The following CTCF variants were observed in gnomAD, a reference collection of about 807,000 sequenced individuals.
CTCF encodes the protein transcriptional repressor CTCF.
In CTCF, 7 loss-of-function variants were observed where a neutral mutation model predicts 72.3. The observed-to-expected ratio is 0.10, with a 90% CI of 0.06 to 0.18. The LOEUF (loss-of-function observed/expected upper bound fraction) is 0.18. Ranked by LOEUF, CTCF falls within the 10% of genes least tolerant of loss-of-function variation. The probability of loss-of-function intolerance (pLI) is 1.00; values close to 1 mark genes in which losing one functional copy is unlikely to be tolerated. For missense variants in CTCF, 516 were observed against 949.1 expected, an observed-to-expected ratio of 0.54 and a Z score of 6.00; for synonymous variants, 374 against 315.8, an observed-to-expected ratio of 1.18 and a Z score of -1.95.
rs768569242 is a variant in CTCF at position 67,637,775 on chromosome 16, C to T, written c.2087C>T (p.Pro696Leu). The T allele has an allele frequency of 6.2e-7, 1 of 1,613,420 alleles. No individual in the cohort carries two copies. The highest frequency in any genetic ancestry group is 8.5e-7 in the Non-Finnish European group (1 of 1,180,012). Reference sequence around the variant, plus strand: ...GTAAAAAAAGAGCCAGATGCTGAGCCCGCAGAGGGAGAGGAAGAGGAGGCC... The same window carrying T: ...GTAAAAAAAGAGCCAGATGCTGAGCTCGCAGAGGGAGAGGAAGAGGAGGCC... ...VEVKKEPDAE[P>L]AEGEEEEAQP... Residue 696 changes from proline (P) to leucine (L), a missense_variant, in exon 12 of 12, where the codon CCC becomes CTC. Pro to Leu is a moderately conservative substitution (Grantham distance 98). Around this residue, in one of 7 missense-constraint regions of CTCF, gnomAD observed 157 missense variants for 172.9 expected, o/e 0.91. Transcript: ENST00000264010.
intron 2 of CTCF, among the ~76,000 whole-genome samples, chr16:67,583,965 G>GT (rs1314697431): frequency 1.3e-5 from 2 of 152,148 alleles, no homozygotes; most frequent in South Asian, 4.1e-4. Context: ...CGAAAACTAG[G>GT]TTTTGGAGAC....
chr16:67,630,366 GT>G (rs2142872171), intron 10 of CTCF, among the ~76,000 whole-genome samples: 1 of 152,218 alleles, frequency 6.6e-6, no homozygotes, highest in African/African-American at 2.4e-5. Context: ...TCCATTTAAA[GT>G]TTAAAATCTT....
intron 10 of CTCF, among the ~76,000 whole-genome samples, chr16:67,629,899 C>T (rs577449712): frequency 1.1e-3 from 167 of 150,188 alleles, no homozygotes; most frequent in Admixed American, 3.5e-3. Context: ...CTCAGCCTCC[C>T]GAGTAGCTGT....
intron 5 of CTCF, among the ~76,000 whole-genome samples, chr16:67,620,016 C>G (rs1297070074): frequency 1.3e-5 from 2 of 152,114 alleles, no homozygotes; most frequent in Non-Finnish European, 2.9e-5. Flanking sequence ...CTAGGAAACG[C>G]TAATGATAGG....
rs75850440 is a variant in CTCF at position 67,569,247 on chromosome 16, C to T, written c.-126-1901C>T. ...CTGTCGCCAGGCTGGAGTGCAGTGG[C>T]ACGATCTTGGCTCATTGCAGCTCCG... On this transcript the variant is annotated intron_variant, in intron 1 of 11. Transcript: ENST00000264010. Among the ~76,000 whole-genome samples the T allele has an allele frequency of 3.4e-4, 51 of 152,110 alleles. No homozygotes were observed. The East Asian group carries it at 9.7e-3, about 29-fold the overall frequency.
chr16:67,578,847 C>T lies in CTCF; in HGVS notation c.-10+7583C>T, dbSNP rs544175305. 3.2e-4 allele frequency among the ~76,000 whole-genome samples: 48 copies of T among 151,574 alleles called. No homozygotes were observed. In the South Asian group the frequency reaches 5.8e-3, roughly 18 times the overall value. On this transcript the variant is annotated intron_variant, in intron 2 of 11. Transcript: ENST00000264010. ...CCTGTAATCTCAGCTACTCAGGTGGCTGAGGCAGGAGAATCGCTTCAACCC... is the reference window on the plus strand; with the variant it reads ...CCTGTAATCTCAGCTACTCAGGTGGTTGAGGCAGGAGAATCGCTTCAACCC...
At chr16:67,611,727 G>T in intron 3 of CTCF, 114 bp downstream of exon 3, 2 of 1,110,514 alleles carry the variant, frequency 1.8e-6, no homozygotes. Context: ...TCGTTATGTG[G>T]GTACCGTTCT....
chr16:67,599,971 A>C (rs1389970195), intron 2 of CTCF, among the ~76,000 whole-genome samples: 1 of 152,158 alleles, frequency 6.6e-6, no homozygotes, highest in African/African-American at 2.4e-5. Context: ...GCGGCTACGG[A>C]GCCTTGGTGT....
chr16:67,601,220 GT>G (rs1330065149), intron 2 of CTCF, among the ~76,000 whole-genome samples: 36 of 13,696 alleles, frequency 2.6e-3, no homozygotes, highest in South Asian at 0.021. Flanking sequence ...ACTAAGGGGT[GT>G]GTGTGTGTGT....
chr16:67,620,837 T>G lies in CTCF; in HGVS notation c.1207+20T>G. On this transcript the variant is annotated intron_variant, in intron 6 of 11. Coordinates refer to ENST00000264010, the MANE Select transcript of CTCF (RefSeq NM_006565.4). ...ATTCAGGTAGGACTTCTCCACTCCT[T>G]ACTGTATTAATGAGCTTCTTTTCAG... is the stretch of plus-strand genomic sequence containing the variant. The G allele has an allele frequency of 6.4e-7, 1 of 1,555,948 alleles. No homozygotes were observed. The highest frequency in any genetic ancestry group is 8.8e-7 in the Non-Finnish European group (1 of 1,138,708).
chr16:67,599,703 G>T (rs1024206517), intron 2 of CTCF, among the ~76,000 whole-genome samples: 1 of 152,134 alleles, frequency 6.6e-6, no homozygotes, highest in African/African-American at 2.4e-5. Flanking sequence ...ACACAATAAG[G>T]ATCTGGTCTT....
chr16:67,601,250 GTGTGTTT>G (rs1194677117), intron 2 of CTCF, among the ~76,000 whole-genome samples: 101 of 140,170 alleles, frequency 7.2e-4, no homozygotes, highest in East Asian at 2.2e-3. Context: ...GTGTGTGTGT[GTGTGTTT>G]TGTTTTGTTT....
At chr16:67,612,399 G>A (rs2052072691) in intron 4 of CTCF, 1 of 223,382 alleles carries the variant, frequency 4.5e-6, no homozygotes, top group Admixed American at 5.9e-5. Flanking sequence ...AAATAGAAGT[G>A]AAATCCCAGT....
Position 67,611,320 on chromosome 16 carries a change from G to C in CTCF, c.488G>C (p.Gly163Ala), listed in dbSNP as rs2052059167. ...TGCCACACCCTACCTTTGCCTGAAG[G>C]GTTTCAGGTGGTTAAAGTGGGGGCC... ...MICHTLPLPE[G>A]FQVVKVGANG... The change falls in exon 3 of 12, where the codon GGG becomes GCG. Residue 163 changes from glycine (G) to alanine (A), a missense_variant. Transcript: ENST00000264010. 1.9e-6 allele frequency: 3 copies of C among 1,613,978 alleles called. No individual in the cohort carries two copies. The highest frequency in any genetic ancestry group is 1.7e-5 in the Admixed American group (1 of 59,994).
Position 67,588,663 on chromosome 16 carries a change from C to G in CTCF, c.-10+17399C>G, listed in dbSNP as rs575846170. Among the ~76,000 whole-genome samples, 30 of 152,152 alleles carry G rather than the reference C, an allele frequency of 2.0e-4. 2 individuals are homozygous for G. In the South Asian group the frequency reaches 6.2e-3, roughly 32 times the overall value. ...AGTGAAATAAACAGGCTACCCTTAA[C>G]AGAGGGCTCTGAAACCACATCAAAA... On this transcript the variant is annotated intron_variant, in intron 2 of 11. Transcript: ENST00000264010.
chr16:67,584,721 A>T (rs1293972779), intron 2 of CTCF, among the ~76,000 whole-genome samples: 1 of 152,032 alleles, frequency 6.6e-6, no homozygotes, highest in Non-Finnish European at 1.5e-5. Flanking sequence ...AAACTGTAGG[A>T]TATTAAAGCC....
intron 2 of CTCF, among the ~76,000 whole-genome samples, chr16:67,601,280 T>C (rs535104046): frequency 7.1e-6 from 1 of 141,804 alleles, no homozygotes; most frequent in Admixed American, 7.1e-5. Flanking sequence ...TAAGACAGAG[T>C]CTCACTCTGT....
chr16:67,571,409 C>T (rs920325815), intron 2 of CTCF, 145 bp downstream of exon 2: 2 of 152,274 alleles, frequency 1.3e-5, no homozygotes, highest in Non-Finnish European at 2.9e-5. Context: ...AATCAGAGTC[C>T]TGGGTTTGAA....
intron 7 of CTCF, among the ~76,000 whole-genome samples, chr16:67,622,642 T>C (rs993997931): frequency 2.4e-4 from 30 of 123,088 alleles, no homozygotes; most frequent in South Asian, 2.7e-4. Context: ...CTACTCTTAC[T>C]TTTTTTTTTT....
Sources: gnomAD v4.1 joint callset for allele counts (sites outside exome capture counted in the v4.1 genomes callset) on GRCh38, gnomAD v4.1.1 for gene constraint, gnomAD v4.1.1 regional missense constraint, MANE v1.5 for transcripts, NCBI Gene and HGNC (gene_info 2026-07-23, HGNC 2026-07-21) for gene names.